The following EZHIP variants were observed in gnomAD, a reference collection of about 807,000 sequenced individuals.
EZHIP encodes the protein K27M-like inhibitor of PRC2.
For synonymous variants in EZHIP, 192 were observed against 86.5 expected, an observed-to-expected ratio of 2.22 and a Z score of -6.77; for missense variants, 428 against 204.2, an observed-to-expected ratio of 2.10 and a Z score of -6.68.
In EZHIP at chrX:51,408,540, C is replaced by T. The variant is rs1390352585; in HGVS notation, c.*12C>T. The T allele has an allele frequency of 3.5e-6, 2 of 564,976 alleles. No individual in the cohort carries two copies. The highest frequency in any genetic ancestry group is 3.3e-6 in the Non-Finnish European group (1 of 306,828). The allele number at this position is 564,976 out of a possible 1,213,427, so 46.6% of individuals were successfully genotyped here. On this transcript the variant is annotated 3_prime_UTR_variant, in exon 1 of 1. Transcript: ENST00000342995. ...CGCCTGAGCCGTGACCCTCTATAAGCATCCTCTAAGACCCACAGAAGGAAT... is the reference window on the plus strand; with the variant it reads ...CGCCTGAGCCGTGACCCTCTATAAGTATCCTCTAAGACCCACAGAAGGAAT...
rs782279999 is a variant in EZHIP, at chrX:51,407,230, G to A, written c.214G>A (p.Ala72Thr). ...CACAGCCGGTTCTTCCGCTGCAGCC[G>A]CCACCTCCGCCGCCATTTTCATCAC... is the stretch of plus-strand genomic sequence containing the variant. ...SSTAGSSAAA[A>T]TSAAIFITDE... Residue 72 changes from alanine (A) to threonine (T), a missense_variant, in exon 1 of 1, where the codon GCC (alanine) becomes ACC (threonine). Physicochemically the swap from Ala to Thr is moderately conservative, Grantham distance 58. Coordinates refer to ENST00000342995, the MANE Select transcript of EZHIP (RefSeq NM_203407.3). 1.1e-5 allele frequency: 6 copies of A among 568,293 alleles called. No homozygotes were observed. Among genetic ancestry groups the A allele is most frequent in the African/African-American group, 6.7e-5 (3 of 44,906 alleles). The allele number at this position is 568,293 out of a possible 1,213,427, so 46.8% of individuals were successfully genotyped here.
In EZHIP at chrX:51,407,340, A is replaced by C. The variant is rs782520788; in HGVS notation, c.324A>C (p.Glu108Asp). ...GCCAGGACTGCCGCAGTCCTCACGA[A>C]GTTTTTGGGTGTGTGGTGCCCGAGG... ...SDRQDCRSPH[E>D]VFGCVVPEGG... The change falls in exon 1 of 1, where the codon GAA (glutamate) becomes GAC (aspartate). Residue 108 changes from glutamate to aspartate, a missense_variant. Physicochemically the swap from Glu to Asp is conservative, Grantham distance 45. Coordinates refer to ENST00000342995, the MANE Select transcript of EZHIP (RefSeq NM_203407.3). 3 of 569,428 alleles carry C rather than the reference A, an allele frequency of 5.3e-6. No individual in the cohort carries two copies. Among genetic ancestry groups the C allele is most frequent in the East Asian group, 3.3e-5 (1 of 30,700 alleles). The allele number at this position is 569,428 out of a possible 1,213,427, so 46.9% of individuals were successfully genotyped here.
Position 51,407,785 on chromosome X carries a change from C to A in EZHIP, c.769C>A (p.Arg257Ser). The change falls in exon 1 of 1, where the codon CGT (arginine) becomes AGT (serine). Residue 257 changes from arginine to serine, a missense_variant. Physicochemically the swap from Arg to Ser is moderately radical, Grantham distance 110. Transcript: ENST00000342995. ...CCGCGCCACTCATCTAGACCCTGCT[C>A]GTCTAAGCCCTGAATCTGCGCCAGG... ...PHRATHLDPARLSPESAPGPA... is the reference protein window; with the variant it reads ...PHRATHLDPASLSPESAPGPA... 5.3e-6 allele frequency: 3 copies of A among 564,769 alleles called. No individual in the cohort carries two copies. The highest frequency in any genetic ancestry group is 3.3e-5 in the East Asian group (1 of 30,467). 46.5% of individuals were successfully genotyped at this position (564,769 alleles called of 1,213,427 possible).
Position 51,408,237 on chromosome X carries a change from T to C in EZHIP, c.1221T>C (p.Arg407=). 1.8e-6 allele frequency: 1 copy of C among 571,187 alleles called. No individual in the cohort carries two copies. The highest frequency in any genetic ancestry group is 3.2e-6 in the Non-Finnish European group (1 of 309,528). 47.1% of individuals were successfully genotyped at this position (571,187 alleles called of 1,213,427 possible). Residue 407 remains arginine (R), a synonymous_variant, in exon 1 of 1, where the codon CGT becomes CGC. Coordinates refer to ENST00000342995, the MANE Select transcript of EZHIP (RefSeq NM_203407.3). The part of the protein sequence containing the change: ...SPPVWHAVRM[R]ASSPSPPGRF... Reference sequence around the variant, plus strand: ...CTGTTTGGCATGCAGTCCGTATGCGTGCCTCCTCACCCTCACCCCCTGGGA... The same window carrying C: ...CTGTTTGGCATGCAGTCCGTATGCGCGCCTCCTCACCCTCACCCCCTGGGA...
rs782510488 is a variant in EZHIP at position 51,406,980 on chromosome X, A to C, written c.-37A>C. ...CGCGCTCTCCTCCGGCAGAAGTAGCAGCTGCGCTCTTGCTCTCTGGGGGAG... is the reference window on the plus strand; with the variant it reads ...CGCGCTCTCCTCCGGCAGAAGTAGCCGCTGCGCTCTTGCTCTCTGGGGGAG... On this transcript the variant is annotated 5_prime_UTR_variant, in exon 1 of 1. Transcript: ENST00000342995. 3.7e-6 allele frequency: 2 copies of C among 546,172 alleles called. No individual in the cohort carries two copies. The highest frequency in any genetic ancestry group is 6.8e-6 in the Non-Finnish European group (2 of 295,064). The allele number at this position is 546,172 out of a possible 1,213,427, so 45.0% of individuals were successfully genotyped here.
chrX:51,408,032 C>T lies in EZHIP; in HGVS notation c.1016C>T (p.Thr339Met), dbSNP rs782419975. 1.8e-6 allele frequency: 1 copy of T among 570,750 alleles called. No homozygotes were observed. The highest frequency in any genetic ancestry group is 3.2e-6 in the Non-Finnish European group (1 of 309,546). The allele number at this position is 570,750 out of a possible 1,213,427, so 47.0% of individuals were successfully genotyped here. The change falls in exon 1 of 1, where the codon ACG becomes ATG. Residue 339 changes from threonine to methionine, a missense_variant. By Grantham distance (81) the Thr-to-Met change is moderately conservative. Coordinates refer to ENST00000342995, the MANE Select transcript of EZHIP (RefSeq NM_203407.3). ...RSDAGHRSTS[T>M]TPGTGLRSRS... ...GACGCCGGTCATCGCAGCACCAGCA[C>T]GACGCCAGGCACTGGCCTCCGGAGC...
rs782687896 is a variant in EZHIP, at chrX:51,407,784, T to C, written c.768T>C (p.Ala256=). The change falls in exon 1 of 1, where the codon GCT becomes GCC. Residue 256 remains alanine (A), a synonymous_variant. Coordinates refer to ENST00000342995, the MANE Select transcript of EZHIP (RefSeq NM_203407.3). ...FPHRATHLDP[A]RLSPESAPGP... ...ACCGCGCCACTCATCTAGACCCTGC[T>C]CGTCTAAGCCCTGAATCTGCGCCAG... 3.0e-5 allele frequency: 17 copies of C among 563,230 alleles called. No homozygotes were observed. The highest frequency in any genetic ancestry group is 4.9e-5 in the Non-Finnish European group (15 of 306,891). 46.4% of individuals were successfully genotyped at this position (563,230 alleles called of 1,213,427 possible).
At position 51,407,498 on chromosome X, in the gene EZHIP, A is replaced by T; in HGVS notation, c.482A>T (p.Lys161Met). ...CGCAACCAGGCTGCCCCGGCTCAGA[A>T]GCCTCCAGGGCGGCGTCTGTTTCCT... The part of the protein sequence containing the change: ...PCRNQAAPAQ[K>M]PPGRRLFPEP... Residue 161 changes from lysine to methionine, a missense_variant, in exon 1 of 1, where the codon AAG becomes ATG. By Grantham distance (95) the Lys-to-Met change is moderately conservative (BLOSUM62 -1). Transcript: ENST00000342995. 1 of 541,873 alleles carries T rather than the reference A, an allele frequency of 1.8e-6. No individual in the cohort carries two copies. The highest frequency in any genetic ancestry group is 2.4e-5 in the Admixed American group (1 of 41,047). The allele number at this position is 541,873 out of a possible 1,213,427, so 44.7% of individuals were successfully genotyped here. A position where few individuals can be genotyped will look rare whatever the true frequency, so the allele number is the denominator to read the frequency against.
In EZHIP at chrX:51,407,972, C is replaced by T. The variant is rs1488454556; in HGVS notation, c.956C>T (p.Pro319Leu). 1 of 565,171 alleles carries T rather than the reference C, an allele frequency of 1.8e-6. No homozygotes were observed. The highest frequency in any genetic ancestry group is 3.2e-6 in the Non-Finnish European group (1 of 308,541). 46.6% of individuals were successfully genotyped at this position (565,171 alleles called of 1,213,427 possible). A position where few individuals can be genotyped will look rare whatever the true frequency, so the allele number is the denominator to read the frequency against. Residue 319 changes from proline to leucine, a missense_variant, in exon 1 of 1, where the codon CCA (proline) becomes CTA (leucine). Physicochemically the swap from Pro to Leu is moderately conservative, Grantham distance 98. Transcript: ENST00000342995. ...GCCCGCCGAGGCCGCGATTCTGCGC[C>T]AGGCCCTGCCCTTCGCGTCCGCACA... ...GSARRGRDSA[P>L]GPALRVRTAR...
In EZHIP at chrX:51,407,415, C is replaced by T. The variant is rs949997355; in HGVS notation, c.399C>T (p.Asp133=). The stretch of plus-strand genomic sequence containing the variant: ...CCCAGAAGGCCACTGGCCACGCCGA[C>T]GAGCACCTGGCCCAGACCAAGAGCC... ...VGPQKATGHA[D]EHLAQTKSPG... Residue 133 remains aspartate, a synonymous_variant, in exon 1 of 1, where the codon GAC becomes GAT. Transcript: ENST00000342995. 1 of 543,438 alleles carries T rather than the reference C, an allele frequency of 1.8e-6. No individual in the cohort carries two copies. Among genetic ancestry groups the T allele is most frequent in the Non-Finnish European group, 3.4e-6 (1 of 295,969 alleles). 44.8% of individuals were successfully genotyped at this position (543,438 alleles called of 1,213,427 possible).
rs148505241 is a variant in EZHIP at position 51,408,156 on chromosome X, C to T, written c.1140C>T (p.Ala380=). ...GTGGGACTGGCTCAGAAAGGCTTGC[C>T]TTTCAGAGCAGATCAGGCTCTCCTG... is the stretch of plus-strand genomic sequence containing the variant. ...PSCGTGSERL[A]FQSRSGSPDP... is the part of the protein sequence containing the mutation. Residue 380 remains alanine (A), a synonymous_variant, in exon 1 of 1, where the codon GCC becomes GCT. Coordinates refer to ENST00000342995, the MANE Select transcript of EZHIP (RefSeq NM_203407.3). 1,248 of 569,328 alleles carry T rather than the reference C, an allele frequency of 2.2e-3. 12 individuals carry two copies. In the African/African-American group the frequency reaches 0.024, roughly 11 times the overall value. 46.9% of individuals were successfully genotyped at this position (569,328 alleles called of 1,213,427 possible). A position where few individuals can be genotyped will look rare whatever the true frequency, so the allele number is the denominator to read the frequency against.
chrX:51,407,511 G>T lies in EZHIP; in HGVS notation c.495G>T (p.Arg165=), dbSNP rs782812642. The change falls in exon 1 of 1, where the codon CGG becomes CGT. Residue 165 remains arginine, a synonymous_variant. Coordinates refer to ENST00000342995, the MANE Select transcript of EZHIP (RefSeq NM_203407.3). ...QAAPAQKPPG[R]RLFPEPLPPS... ...CCCCGGCTCAGAAGCCTCCAGGGCG[G>T]CGTCTGTTTCCTGAGCCTTTGCCGC... 5 of 543,857 alleles carry T rather than the reference G, an allele frequency of 9.2e-6. No individual in the cohort carries two copies. The highest frequency in any genetic ancestry group is 1.7e-5 in the Non-Finnish European group (5 of 295,843). 44.8% of individuals were successfully genotyped at this position (543,857 alleles called of 1,213,427 possible).
rs781925893 is a variant in EZHIP at position 51,408,257 on chromosome X, C to T, written c.1241C>T (p.Pro414Leu). ...VRMRASSPSP[P>L]GRFFLPIPQQ... ...ATGCGTGCCTCCTCACCCTCACCCCCTGGGAGGTTCTTCCTTCCCATCCCT... is the reference window on the plus strand; with the variant it reads ...ATGCGTGCCTCCTCACCCTCACCCCTTGGGAGGTTCTTCCTTCCCATCCCT... Residue 414 changes from proline (P) to leucine (L), a missense_variant, in exon 1 of 1, where the codon CCT becomes CTT. Coordinates refer to ENST00000342995, the MANE Select transcript of EZHIP (RefSeq NM_203407.3). 5.3e-6 allele frequency: 3 copies of T among 569,378 alleles called. No homozygotes were observed. The highest frequency in any genetic ancestry group is 9.7e-6 in the Non-Finnish European group (3 of 309,200). The allele number at this position is 569,378 out of a possible 1,213,427, so 46.9% of individuals were successfully genotyped here. A position where few individuals can be genotyped will look rare whatever the true frequency, so the allele number is the denominator to read the frequency against.
chrX:51,408,400 T>C lies in EZHIP; in HGVS notation c.1384T>C (p.Ser462Pro). Reference protein sequence around the residue: ...SPEFLGLRSISTPSPESLRYA... With the variant: ...SPEFLGLRSIPTPSPESLRYA... ...TGAGTTTTTGGGCCTGAGATCTATCTCCACTCCTAGCCCTGAAAGCCTTAG... is the reference window on the plus strand; with the variant it reads ...TGAGTTTTTGGGCCTGAGATCTATCCCCACTCCTAGCCCTGAAAGCCTTAG... Residue 462 changes from serine (S) to proline (P), a missense_variant, in exon 1 of 1, where the codon TCC (serine) becomes CCC (proline). By Grantham distance (74) the Ser-to-Pro change is moderately conservative (BLOSUM62 -1). Coordinates refer to ENST00000342995, the MANE Select transcript of EZHIP (RefSeq NM_203407.3). 1 of 571,048 alleles carries C rather than the reference T, an allele frequency of 1.8e-6. No homozygotes were observed. Among genetic ancestry groups the C allele is most frequent in the Non-Finnish European group, 3.2e-6 (1 of 309,558 alleles). The allele number at this position is 571,048 out of a possible 1,213,427, so 47.1% of individuals were successfully genotyped here.
rs782279999 is a variant in EZHIP at position 51,407,230 on chromosome X, G to T, written c.214G>T (p.Ala72Ser). The T allele has an allele frequency of 1.2e-5, 7 of 568,293 alleles. No individual in the cohort carries two copies. The highest frequency in any genetic ancestry group is 2.3e-5 in the Non-Finnish European group (7 of 308,803). 46.8% of individuals were successfully genotyped at this position (568,293 alleles called of 1,213,427 possible). A position where few individuals can be genotyped will look rare whatever the true frequency, so the allele number is the denominator to read the frequency against. The change falls in exon 1 of 1, where the codon GCC (alanine) becomes TCC (serine). Residue 72 changes from alanine to serine, a missense_variant. Transcript: ENST00000342995. ...CACAGCCGGTTCTTCCGCTGCAGCCGCCACCTCCGCCGCCATTTTCATCAC... is the reference window on the plus strand; with the variant it reads ...CACAGCCGGTTCTTCCGCTGCAGCCTCCACCTCCGCCGCCATTTTCATCAC... The part of the protein sequence containing the change: ...SSTAGSSAAA[A>S]TSAAIFITDE...
chrX:51,408,611 C>A lies in EZHIP; in HGVS notation c.*83C>A. 2.0e-6 allele frequency: 1 copy of A among 492,076 alleles called. No individual in the cohort carries two copies. Among genetic ancestry groups the A allele is most frequent in the Non-Finnish European group, 3.7e-6 (1 of 270,421 alleles). The allele number at this position is 492,076 out of a possible 1,213,427, so 40.6% of individuals were successfully genotyped here. ...AATGGGCTGCCTGCCCTGTAGTTAG[C>A]TGCGAGGTCTCCCAAAGTTCCAGCC... On this transcript the variant is annotated 3_prime_UTR_variant, in exon 1 of 1. Transcript: ENST00000342995.
rs782664899 is a variant in EZHIP, at chrX:51,407,545, C to T, written c.529C>T (p.Pro177Ser). The part of the protein sequence containing the change: ...LFPEPLPPSS[P>S]GFRPSSYPCS... The stretch of plus-strand genomic sequence containing the variant: ...TCCTGAGCCTTTGCCGCCATCTTCT[C>T]CAGGGTTCCGGCCCAGCAGCTATCC... The change falls in exon 1 of 1, where the codon CCA becomes TCA. Residue 177 changes from proline (P) to serine (S), a missense_variant. By Grantham distance (74) the Pro-to-Ser change is moderately conservative. Transcript: ENST00000342995. 8 of 549,777 alleles carry T rather than the reference C, an allele frequency of 1.5e-5. No homozygotes were observed. The highest frequency in any genetic ancestry group is 2.3e-5 in the Admixed American group (1 of 43,051). 45.3% of individuals were successfully genotyped at this position (549,777 alleles called of 1,213,427 possible).
rs782610447 is a variant in EZHIP, at chrX:51,407,453, G to A, written c.437G>A (p.Arg146His). ...LAQTKSPGNS[R>H]RRKQPCRNQA... ...CAGACCAAGAGCCCCGGGAACAGCC[G>A]TCGTAGGAAGCAGCCCTGCCGCAAC... is the stretch of plus-strand genomic sequence containing the variant. The change falls in exon 1 of 1, where the codon CGT becomes CAT. Residue 146 changes from arginine to histidine, a missense_variant. Transcript: ENST00000342995. 11 of 530,744 alleles carry A rather than the reference G, an allele frequency of 2.1e-5. No individual in the cohort carries two copies. In the South Asian group the frequency reaches 2.4e-4, roughly 12 times the overall value. 43.7% of individuals were successfully genotyped at this position (530,744 alleles called of 1,213,427 possible).
In EZHIP at chrX:51,408,636, C is replaced by T. The variant is rs782790211; in HGVS notation, c.*108C>T. The T allele has an allele frequency of 1.2e-3, 556 of 472,431 alleles. No homozygotes were observed. The highest frequency in any genetic ancestry group is 1.8e-3 in the Non-Finnish European group (458 of 261,470). The allele number at this position is 472,431 out of a possible 1,213,427, so 38.9% of individuals were successfully genotyped here. ...CTGCGAGGTCTCCCAAAGTTCCAGC[C>T]GTTAACCAACATCCTGAGTAGTTTA... On this transcript the variant is annotated 3_prime_UTR_variant, in exon 1 of 1. Coordinates refer to ENST00000342995, the MANE Select transcript of EZHIP (RefSeq NM_203407.3).
Sources: allele counts gnomAD v4.1 joint callset, GRCh38; gene constraint gnomAD v4.1.1; transcripts MANE v1.5; gene names NCBI Gene and HGNC (gene_info 2026-07-23, HGNC 2026-07-21).